Variants in ZDBF2 observed in about 807,000 individuals in gnomAD.
ZDBF2 encodes the protein zinc finger DBF-type containing 2.
In ZDBF2, 6 loss-of-function variants were observed where a neutral mutation model predicts 9.4. The ratio of observed to expected loss-of-function variants is 0.64; its 90% CI spans 0.35 to 1.27. ZDBF2 has a LOEUF of 1.27. Among genes scored for constraint, ZDBF2 ranks in the 50% most tolerant of loss-of-function variants. The probability of loss-of-function intolerance (pLI) is 0.03; values close to 1 mark genes in which losing one functional copy is unlikely to be tolerated. For missense variants in ZDBF2, 2,697 were observed against 2,766.8 expected, an observed-to-expected ratio of 0.97 and a Z score of 0.57; for synonymous variants, 905 against 946.3, an observed-to-expected ratio of 0.96 and a Z score of 0.80.
In ZDBF2 at chr2:206,313,459, T is replaced by A. The variant is rs974798395; in HGVS notation, c.*1866T>A. 6.6e-6 allele frequency: 1 copy of A among 152,206 alleles called. No individual in the cohort carries two copies. The highest frequency in any genetic ancestry group is 1.5e-5 in the Non-Finnish European group (1 of 68,026). 9.4% of individuals were successfully genotyped at this position (152,206 alleles called of 1,614,324 possible). A position where few individuals can be genotyped will look rare whatever the true frequency, so the allele number is the denominator to read the frequency against. ...TCAAAATAATCCTCCAATTTTAATT[T>A]AGGAACAAAGCTTTGTCCTACTGAC... On this transcript the variant is annotated 3_prime_UTR_variant, in exon 5 of 5. Transcript: ENST00000374423.
At chr2:206,297,486 T>C (rs1208351762) in intron 4 of ZDBF2, 113 bp downstream of exon 4, 2 of 1,092,418 alleles carry the variant, frequency 1.8e-6, no homozygotes, top group Admixed American at 5.7e-5. Context: ...GAATATAAAG[T>C]AAAATTTTAG....
chr2:206,275,918 A>G lies in ZDBF2; in HGVS notation c.-103+972A>G, dbSNP rs139092717. ...GAACCTAAAGCCTAGAAGGCAAGAA[A>G]GCAACTCGTTAGAGAGTTGATAAAG... On this transcript the variant is annotated intron_variant, in intron 1 of 4. Transcript: ENST00000374423. Among the ~76,000 whole-genome samples the G allele has an allele frequency of 2.0e-3, 308 of 152,362 alleles. 1 individual carries two copies. Among genetic ancestry groups the G allele is most frequent in the Admixed American group, 3.1e-3 (47 of 15,302 alleles).
intron 3 of ZDBF2, among the ~76,000 whole-genome samples, chr2:206,287,290 G>A (rs1691652557): frequency 1.3e-5 from 2 of 152,104 alleles, no homozygotes; most frequent in African/African-American, 4.8e-5. Context: ...TTCAGTTTTT[G>A]TTTCTCTGGG....
chr2:206,297,194 C>A (rs1692227603), intron 3 of ZDBF2, 52 bp from the exon 4 acceptor site: 1 of 718,672 alleles, frequency 1.4e-6, no homozygotes, highest in Non-Finnish European at 2.4e-6. Context: ...GTCGAACTCT[C>A]ACTACTGAAT....
chr2:206,296,159 C>G (rs1185302365), intron 3 of ZDBF2, among the ~76,000 whole-genome samples: 1 of 152,130 alleles, frequency 6.6e-6, no homozygotes, highest in Non-Finnish European at 1.5e-5. Context: ...ACTAGTCCCC[C>G]CTTATCTGTG....
At chr2:206,299,549 G>A (rs896560637) in intron 4 of ZDBF2, among the ~76,000 whole-genome samples, 3 of 151,996 alleles carry the variant, frequency 2.0e-5, no homozygotes, top group Non-Finnish European at 4.4e-5. Context: ...GCACACACCC[G>A]TAGTCCCAGC....
intron 4 of ZDBF2, among the ~76,000 whole-genome samples, chr2:206,304,221 G>A (rs1031978251): frequency 4.6e-5 from 7 of 152,192 alleles, no homozygotes; most frequent in African/African-American, 1.4e-4. Flanking sequence ...CCTTACACCC[G>A]CACCAAAACA....
chr2:206,304,705 CT>C lies in ZDBF2; in HGVS notation c.189-9del. The stretch of plus-strand genomic sequence containing the variant: ...TAGAATATGTTTATGAGTTTCCCCC[CT>C]TTCGTTTTAGTTCAACACAAGATGA... On this transcript the variant is annotated splice_polypyrimidine_tract_variant and intron_variant, in intron 4 of 4. Transcript: ENST00000374423. 1 of 1,586,024 alleles carries C rather than the reference CT, an allele frequency of 6.3e-7. No homozygotes were observed. Among genetic ancestry groups the C allele is most frequent in the Non-Finnish European group, 8.6e-7 (1 of 1,169,556 alleles).
intron 3 of ZDBF2, among the ~76,000 whole-genome samples, chr2:206,290,351 A>T (rs1015362816): frequency 6.6e-6 from 1 of 152,156 alleles, no homozygotes; most frequent in Non-Finnish European, 1.5e-5. Flanking sequence ...TTGTATTTCC[A>T]TGTGAATTTA....
intron 3 of ZDBF2, among the ~76,000 whole-genome samples, chr2:206,282,473 T>C (rs764481101): frequency 5.4e-4 from 82 of 152,206 alleles, no homozygotes; most frequent in Non-Finnish European, 2.4e-4. Flanking sequence ...GTTTGTTACA[T>C]GGGTATATTG....
intron 3 of ZDBF2, among the ~76,000 whole-genome samples, chr2:206,282,467 G>A (rs902082668): frequency 1.3e-5 from 2 of 152,144 alleles, no homozygotes; most frequent in Admixed American, 6.5e-5. Flanking sequence ...GGGCTTGTTT[G>A]TTACATGGGT....
intron 3 of ZDBF2, among the ~76,000 whole-genome samples, chr2:206,292,897 A>G (rs1184588728): frequency 6.6e-6 from 1 of 152,168 alleles, no homozygotes; most frequent in Non-Finnish European, 1.5e-5. Context: ...AGTTCTGCCT[A>G]GATTGTTATA....
chr2:206,301,653 T>C (rs184755840), intron 4 of ZDBF2, among the ~76,000 whole-genome samples: 7 of 152,274 alleles, frequency 4.6e-5, no homozygotes, highest in African/African-American at 1.2e-4. Context: ...ACTTTCTAAC[T>C]TATAGGATTT....
chr2:206,286,041 G>C (rs1290417962), intron 3 of ZDBF2, among the ~76,000 whole-genome samples: 1 of 152,144 alleles, frequency 6.6e-6, no homozygotes, highest in Non-Finnish European at 1.5e-5. Flanking sequence ...CTGATTTCTA[G>C]TTTATGCTAT....
chr2:206,304,979 T>G lies in ZDBF2; in HGVS notation c.451T>G (p.Phe151Val), dbSNP rs1692695237. Residue 151 changes from phenylalanine to valine, a missense_variant, in exon 5 of 5, where the codon TTT becomes GTT. By Grantham distance (50) the Phe-to-Val change is conservative. Coordinates refer to ENST00000374423, the MANE Select transcript of ZDBF2 (RefSeq NM_020923.3). Reference protein sequence around the residue: ...LEKGQQQPLEFVHKIGASVRK... With the variant: ...LEKGQQQPLEVVHKIGASVRK... ...GAAGGGACAGCAGCAGCCCTTGGAG[T>G]TTGTTCATAAAATTGGGGCCAGTGT... is the stretch of plus-strand genomic sequence containing the variant. 1.2e-6 allele frequency: 2 copies of G among 1,613,496 alleles called. No homozygotes were observed. The highest frequency in any genetic ancestry group is 1.7e-6 in the Non-Finnish European group (2 of 1,179,748).
At chr2:206,282,098 A>G (rs1248070765) in intron 3 of ZDBF2, among the ~76,000 whole-genome samples, 189 bp downstream of exon 3, 1 of 152,220 alleles carries the variant, frequency 6.6e-6, no homozygotes, top group Non-Finnish European at 1.5e-5. Context: ...CATGAAGCTT[A>G]TATTCTAGTA....
intron 2 of ZDBF2, among the ~76,000 whole-genome samples, chr2:206,280,134 C>T (rs1046541758): frequency 2.0e-5 from 3 of 152,150 alleles, no homozygotes; most frequent in South Asian, 2.1e-4. Flanking sequence ...TGCTTTATAA[C>T]GTATGTCCTG....
At chr2:206,287,225 A>T (rs1691649036) in intron 3 of ZDBF2, among the ~76,000 whole-genome samples, 1 of 152,064 alleles carries the variant, frequency 6.6e-6, no homozygotes, top group African/African-American at 2.4e-5. Context: ...TGCTTGCCAG[A>T]TGTAGGACTC....
Position 206,309,363 on chromosome 2 carries a change from T to C in ZDBF2, c.4835T>C (p.Ile1612Thr). 1 of 1,613,488 alleles carries C rather than the reference T, an allele frequency of 6.2e-7. No homozygotes were observed. The highest frequency in any genetic ancestry group is 8.5e-7 in the Non-Finnish European group (1 of 1,179,720). ...ATAAACCGGAAGAAGGACTATATTA[T>C]TCTGGGAGAGCCAAGTTGTCAATCT... is the stretch of plus-strand genomic sequence containing the variant. ...KIINRKKDYI[I>T]LGEPSCQSCG... Residue 1612 changes from isoleucine (I) to threonine (T), a missense_variant, in exon 5 of 5, where the codon ATT becomes ACT. By Grantham distance (89) the Ile-to-Thr change is moderately conservative. Coordinates refer to ENST00000374423, the MANE Select transcript of ZDBF2 (RefSeq NM_020923.3).
Sources: gnomAD v4.1 joint callset for allele counts (sites outside exome capture counted in the v4.1 genomes callset) on GRCh38, gnomAD v4.1.1 for gene constraint, MANE v1.5 for transcripts, NCBI Gene and HGNC (gene_info 2026-07-23, HGNC 2026-07-21) for gene names.